Variants in HID1 observed in about 807,000 individuals in gnomAD.
The protein encoded by HID1 is HID1 domain containing, also known as protein HID1.
Under a neutral mutation model 89.7 loss-of-function variants are expected in HID1, and 42 were observed. The ratio of observed to expected loss-of-function variants is 0.47; its 90% CI spans 0.37 to 0.61. The LOEUF (loss-of-function observed/expected upper bound fraction) is 0.61, where lower values mean the gene tolerates loss of function less well. Among genes scored for constraint, HID1 ranks in the 20% least tolerant of loss-of-function variants. The pLI, the probability that HID1 is intolerant of heterozygous loss-of-function variation, is 0.00. For synonymous variants in HID1, 442 were observed against 433.8 expected (o/e 1.02, Z -0.24); for missense variants, 854 against 1,039.3 (o/e 0.82, Z 2.45).
At chr17:74,963,949 T>C in intron 2 of HID1, 39 bp from the exon 3 acceptor site, 1 of 1,608,788 alleles carries the variant, frequency 6.2e-7, no homozygotes, top group Non-Finnish European at 8.5e-7. Context: ...GGCTGGAAGG[T>C]GGGGAAAGGA....
At position 74,953,455 on chromosome 17, in the gene HID1, CCA is replaced by C. The variant is rs2039337915; in HGVS notation, c.1971+88_1971+89del. The C allele has an allele frequency of 6.7e-6, 7 of 1,038,110 alleles. 1 individual carries two copies. The highest frequency in any genetic ancestry group is 6.3e-5 in the African/African-American group (4 of 63,254). 64.3% of individuals were successfully genotyped at this position (1,038,110 alleles called of 1,614,324 possible). Reference sequence around the variant, plus strand: ...AACTGCCCCTCTGCTGCAGGTGACCCCAGAGTGCCCCGGCCCAGCCCCTACTG... The same window carrying C: ...AACTGCCCCTCTGCTGCAGGTGACCCGAGTGCCCCGGCCCAGCCCCTACTG... On this transcript the variant is annotated intron_variant, in intron 15 of 18. Transcript: ENST00000425042.
At chr17:74,968,394 G>GAACTCTCCA (rs2039594200) in intron 1 of HID1, among the ~76,000 whole-genome samples, 1 of 151,986 alleles carries the variant, frequency 6.6e-6, no homozygotes, top group African/African-American at 2.4e-5. Flanking sequence ...AGCACCCGTG[G>GAACTCTCCA]AACTCTCCAA....
intron 13 of HID1, among the ~76,000 whole-genome samples, chr17:74,955,183 G>A (rs1159071438): frequency 6.6e-6 from 1 of 152,220 alleles, no homozygotes; most frequent in Non-Finnish European, 1.5e-5. Flanking sequence ...GCAGCCGGAT[G>A]TCTGTGACAC....
At chr17:74,971,228 C>G (rs904707488) in intron 1 of HID1, among the ~76,000 whole-genome samples, 43 of 152,154 alleles carry the variant, frequency 2.8e-4, no homozygotes, top group African/African-American at 9.4e-4. Context: ...AACATGGGAG[C>G]CTCCCTTCCT....
rs554486621 is a variant in HID1 at position 74,962,770 on chromosome 17, C to T, written c.504+195G>A. On this transcript the variant is annotated intron_variant, in intron 4 of 18. Transcript: ENST00000425042. The surrounding 1 kb of genome is among the most constrained non-coding windows in gnomAD (Gnocchi z 4.3). ...TCTGTGCCCAGCCATCCGAACGCAG[C>T]GGGCAGGGCCAGCCCCAGCTGGCTT... is the stretch of plus-strand genomic sequence containing the variant. Among the ~76,000 whole-genome samples the T allele has an allele frequency of 2.4e-4, 36 of 152,318 alleles. No individual in the cohort carries two copies. Among genetic ancestry groups the T allele is most frequent in the Admixed American group, 5.9e-4 (9 of 15,306 alleles).
intron 1 of HID1, among the ~76,000 whole-genome samples, chr17:74,964,983 A>G (rs2039540771): frequency 2.0e-5 from 3 of 152,204 alleles, no homozygotes; most frequent in Non-Finnish European, 4.4e-5. Flanking sequence ...CCACACCATT[A>G]GGTCAAATGC....
At chr17:74,964,214 C>A (rs939143365) in intron 2 of HID1, 5 of 591,164 alleles carry the variant, frequency 8.5e-6, no homozygotes, top group Non-Finnish European at 1.5e-5. Flanking sequence ...TGTAAACTGG[C>A]GACCCTGGCA....
At position 74,962,062 on chromosome 17, in the gene HID1, G is replaced by A. The variant is rs2039489794; in HGVS notation, c.612-73C>T. ...GGAGGTTCTGCCCACCCAGCCCAGC[G>A]CCCCAGCCCAGGTCCATGGAAGGAA... On this transcript the variant is annotated intron_variant, in intron 5 of 18. Coordinates refer to ENST00000425042, the MANE Select transcript of HID1 (RefSeq NM_030630.3). The surrounding 1 kb of genome is among the most constrained non-coding windows in gnomAD (Gnocchi z 4.3). 11 of 1,251,290 alleles carry A rather than the reference G, an allele frequency of 8.8e-6. No individual in the cohort carries two copies. Among genetic ancestry groups the A allele is most frequent in the South Asian group, 3.1e-5 (2 of 64,934 alleles). 77.5% of individuals were successfully genotyped at this position (1,251,290 alleles called of 1,614,324 possible). A position where few individuals can be genotyped will look rare whatever the true frequency, so the allele number is the denominator to read the frequency against.
At chr17:74,964,316 G>A (rs889673830) in intron 2 of HID1, 167 bp downstream of exon 2, 6 of 735,818 alleles carry the variant, frequency 8.2e-6, no homozygotes, top group Non-Finnish European at 1.3e-5. Context: ...AATGACGGCT[G>A]CCGTGGTCCC....
Position 74,962,079 on chromosome 17 carries a change from T to C in HID1, c.612-90A>G, listed in dbSNP as rs2039490026. 5 of 1,158,290 alleles carry C rather than the reference T, an allele frequency of 4.3e-6. No individual in the cohort carries two copies. Among genetic ancestry groups the C allele is most frequent in the Non-Finnish European group, 6.0e-6 (5 of 828,906 alleles). The allele number at this position is 1,158,290 out of a possible 1,614,324, so 71.8% of individuals were successfully genotyped here. Reference sequence around the variant, plus strand: ...AGCCCAGCGCCCCAGCCCAGGTCCATGGAAGGAAGTTACTCCCGTTGACCC... The same window carrying C: ...AGCCCAGCGCCCCAGCCCAGGTCCACGGAAGGAAGTTACTCCCGTTGACCC... On this transcript the variant is annotated intron_variant, in intron 5 of 18. Transcript: ENST00000425042. The surrounding 1 kb of genome is among the most constrained non-coding windows in gnomAD (Gnocchi z 4.3).
rs1555632291 is a variant in HID1 at position 74,958,183 on chromosome 17, A to G, written c.1429T>C (p.Leu477=). ...HKIITSGHQR[L]QPLFDCLLTI... ...AGCAGGCAGTCGAAGAGGGGCTGCA[A>G]CCGCTGGTGCCCGCTGGTGATGATC... The change falls in exon 12 of 19, where the codon TTG becomes CTG. Residue 477 remains leucine, a synonymous_variant. Transcript: ENST00000425042. The surrounding 1 kb of genome is among the most constrained non-coding windows in gnomAD (Gnocchi z 5.2). 1.9e-6 allele frequency: 3 copies of G among 1,611,272 alleles called. No individual in the cohort carries two copies. Among genetic ancestry groups the G allele is most frequent in the Non-Finnish European group, 2.5e-6 (3 of 1,179,086 alleles).
At chr17:74,964,342 G>C in intron 2 of HID1, 141 bp downstream of exon 2, 1 of 962,290 alleles carries the variant, frequency 1.0e-6, no homozygotes, top group South Asian at 1.7e-5. Context: ...CCAGCAAAGA[G>C]AACCACAGAG....
rs1207127516 is a variant in HID1, at chr17:74,959,173, C to T, written c.1009-122G>A. ...CAGAGCCAGATCCCACCTCCAGAGC[C>T]AGAGGGCCCAGATGCTATCACCCAT... On this transcript the variant is annotated intron_variant, in intron 8 of 18. Coordinates refer to ENST00000425042, the MANE Select transcript of HID1 (RefSeq NM_030630.3). The surrounding 1 kb of genome is among the most constrained non-coding windows in gnomAD (Gnocchi z 4.6). The T allele has an allele frequency of 1.2e-5, 14 of 1,144,416 alleles. No homozygotes were observed. The highest frequency in any genetic ancestry group is 1.7e-5 in the Non-Finnish European group (14 of 839,280). 70.9% of individuals were successfully genotyped at this position (1,144,416 alleles called of 1,614,324 possible).
chr17:74,960,323 T>A (rs2039460595), intron 6 of HID1, 75 bp from the exon 7 acceptor site: 2 of 1,298,314 alleles, frequency 1.5e-6, no homozygotes, highest in African/African-American at 1.5e-5. Context: ...TCTGGCCACG[T>A]GGGAAGGTCA....
chr17:74,964,637 G>T lies in HID1; in HGVS notation c.67-5C>A, dbSNP rs1013840624. The T allele has an allele frequency of 1.2e-6, 2 of 1,610,056 alleles. No homozygotes were observed. The highest frequency in any genetic ancestry group is 1.7e-6 in the Non-Finnish European group (2 of 1,178,640). ...ATCATCGGTGGCTTCCACGGGCTGT[G>T]GGGGGACCAAGGGTCCAGAGTTACA... On this transcript the variant is annotated splice_region_variant and splice_polypyrimidine_tract_variant and intron_variant, in intron 1 of 18. Transcript: ENST00000425042.
At chr17:74,969,217 C>T (rs1371395993) in intron 1 of HID1, among the ~76,000 whole-genome samples, 2 of 152,008 alleles carry the variant, frequency 1.3e-5, no homozygotes, top group African/African-American at 4.8e-5. Flanking sequence ...TTTTTTGAGA[C>T]CGAGTCTTGC....
In HID1 at chr17:74,955,861, C is replaced by T. The variant is rs139210935; in HGVS notation, c.1567G>A (p.Ala523Thr). 6.5e-5 allele frequency: 105 copies of T among 1,614,082 alleles called. No individual in the cohort carries two copies. Among genetic ancestry groups the T allele is most frequent in the African/African-American group, 8.0e-5 (6 of 75,022 alleles). ...AAGAAGACCAGGTGGTGGTTCTGGG[C>T]GGCAGAGAAGAGGAACCAGGTGGTG... ...FSTTWFLFSA[A>T]QNHHLVFFLL... is the part of the protein sequence containing the mutation. The change falls in exon 13 of 19, where the codon GCC (alanine) becomes ACC (threonine). Residue 523 changes from alanine (A) to threonine (T), a missense_variant. By Grantham distance (58) the Ala-to-Thr change is moderately conservative. Coordinates refer to ENST00000425042, the MANE Select transcript of HID1 (RefSeq NM_030630.3).
chr17:74,958,072 T>C lies in HID1; in HGVS notation c.1471+69A>G, dbSNP rs1428706461. 7.1e-7 allele frequency: 1 copy of C among 1,402,910 alleles called. No homozygotes were observed. The highest frequency in any genetic ancestry group is 2.5e-5 in the East Asian group (1 of 40,300). The allele number at this position is 1,402,910 out of a possible 1,614,324, so 86.9% of individuals were successfully genotyped here. A position where few individuals can be genotyped will look rare whatever the true frequency, so the allele number is the denominator to read the frequency against. On this transcript the variant is annotated intron_variant, in intron 12 of 18. Coordinates refer to ENST00000425042, the MANE Select transcript of HID1 (RefSeq NM_030630.3). This position sits in a 1 kb window ranked among gnomAD's most constrained non-coding sequence, Gnocchi z 5.2. Reference sequence around the variant, plus strand: ...GGAGGGGCTTGAAACCTGGAGCAAGTGGCAGGTTGGCCTGTGGCCTGACAC... The same window carrying C: ...GGAGGGGCTTGAAACCTGGAGCAAGCGGCAGGTTGGCCTGTGGCCTGACAC...
At chr17:74,955,656 C>T (rs2144803391) in intron 13 of HID1, 136 bp downstream of exon 13, 1 of 725,366 alleles carries the variant, frequency 1.4e-6, no homozygotes, top group African/African-American at 1.8e-5. Context: ...TAAATGTACA[C>T]TGAATGAATG....
Sources: allele counts gnomAD v4.1 joint callset (sites outside exome capture counted in the v4.1 genomes callset), GRCh38; gene constraint gnomAD v4.1.1; non-coding constraint Gnocchi (gnomAD v3.1); transcripts MANE v1.5; gene names NCBI Gene and HGNC (gene_info 2026-07-23, HGNC 2026-07-21).